DMD: variants seen among roughly 807,000 people sequenced by gnomAD.
The protein encoded by DMD is dystrophin.
A neutral mutation model predicts 330.1 loss-of-function variants in DMD; 63 were observed. The observed-to-expected ratio is 0.19, with a 90% confidence interval of 0.16 to 0.24. The LOEUF (loss-of-function observed/expected upper bound fraction) is 0.24. Among genes scored for constraint, DMD ranks in the 10% least tolerant of loss-of-function variants. DMD has a pLI of 1.00. For synonymous variants in DMD, 1,223 were observed against 959.8 expected, an observed-to-expected ratio of 1.27 and a Z score of -5.07; for missense variants, 3,344 against 2,684.1, an observed-to-expected ratio of 1.25 and a Z score of -5.43.
chrX:33,025,403 A>T (rs1435631560), intron 1 of DMD, among the ~76,000 whole-genome samples: 1 of 111,397 alleles, frequency 9.0e-6, no homozygotes, highest in African/African-American at 3.3e-5. Flanking sequence ...GAGATGCTGG[A>T]GAGCCTCCTT....
At chrX:31,785,323 T>C (rs1215639878) in intron 50 of DMD, among the ~76,000 whole-genome samples, 1 of 111,334 alleles carries the variant, frequency 9.0e-6, no homozygotes, top group Non-Finnish European at 1.9e-5. Flanking sequence ...GGGTTTGGAG[T>C]TTCGGATTTG....
intron 50 of DMD, among the ~76,000 whole-genome samples, chrX:31,789,788 A>G (rs1404999579): frequency 9.0e-6 from 1 of 111,607 alleles, no homozygotes; most frequent in Non-Finnish European, 1.9e-5. Context: ...ATGTTACAAA[A>G]TCTCTAGCTT....
chrX:32,426,485 G>A, intron 29 of DMD, among the ~76,000 whole-genome samples: 1 of 111,290 alleles, frequency 9.0e-6, no homozygotes, highest in East Asian at 2.8e-4. Context: ...AATAACAGAT[G>A]CTGTTGGGAT....
intron 2 of DMD, among the ~76,000 whole-genome samples, chrX:32,937,377 A>ACTCTGAT (rs2090093017): frequency 9.1e-6 from 1 of 109,339 alleles, no homozygotes; most frequent in African/African-American, 3.3e-5. Flanking sequence ...GGGCAAAGGA[A>ACTCTGAT]CTCTGATGCC....
chrX:32,214,555 G>A (rs180836441), intron 44 of DMD, among the ~76,000 whole-genome samples: 187 of 111,777 alleles, frequency 1.7e-3, no homozygotes, highest in African/African-American at 3.7e-3. Context: ...GAGCTCACAC[G>A]TGGCTAGTAA....
At chrX:31,395,423 G>C (rs985001332) in intron 60 of DMD, among the ~76,000 whole-genome samples, 1 of 112,100 alleles carries the variant, frequency 8.9e-6, no homozygotes, top group African/African-American at 3.2e-5. Flanking sequence ...GAATTAGCCA[G>C]AGTTAGCTGC....
intron 2 of DMD, among the ~76,000 whole-genome samples, chrX:32,900,504 C>A (rs2086141268): frequency 9.0e-6 from 1 of 111,110 alleles, no homozygotes; most frequent in Admixed American, 9.6e-5. Context: ...CCACTATGCC[C>A]AGATAATTTT....
intron 41 of DMD, among the ~76,000 whole-genome samples, chrX:32,337,236 CT>C (rs2097720019): frequency 9.0e-6 from 1 of 110,568 alleles, no homozygotes; most frequent in African/African-American, 3.3e-5. Flanking sequence ...TGAAGGATGT[CT>C]AGGTTTCTGA....
chrX:31,614,908 T>A (rs1324075767), intron 55 of DMD, among the ~76,000 whole-genome samples: 1 of 112,064 alleles, frequency 8.9e-6, no homozygotes, highest in East Asian at 2.8e-4. Context: ...CCTGGAATGT[T>A]TTATTATCAG....
At chrX:32,615,105 G>T (rs2057462269) in intron 11 of DMD, among the ~76,000 whole-genome samples, 1 of 111,078 alleles carries the variant, frequency 9.0e-6, no homozygotes, top group African/African-American at 3.3e-5. Context: ...AGCCCAAGGG[G>T]TGACCCCCAG....
chrX:32,987,338 G>C (rs1276570684), intron 2 of DMD, among the ~76,000 whole-genome samples: 1 of 111,146 alleles, frequency 9.0e-6, no homozygotes, highest in African/African-American at 3.3e-5. Flanking sequence ...TGCAGTCCTG[G>C]CATGTCACCT....
At chrX:32,995,690 T>C (rs1186007050) in intron 2 of DMD, among the ~76,000 whole-genome samples, 1 of 112,189 alleles carries the variant, frequency 8.9e-6, no homozygotes, top group African/African-American at 3.2e-5. Context: ...AGTTACAACA[T>C]TGGTTGTTTT....
chrX:32,767,532 T>G (rs7063050), intron 7 of DMD, among the ~76,000 whole-genome samples: 6,580 of 111,349 alleles, frequency 0.059, 483 homozygotes, highest in African/African-American at 0.2. Flanking sequence ...AGTGTCAGAC[T>G]ATTTCTTCTC....
At chrX:32,448,923 T>A (rs1313781666) in intron 26 of DMD, among the ~76,000 whole-genome samples, 3 of 111,032 alleles carry the variant, frequency 2.7e-5, no homozygotes, top group African/African-American at 9.8e-5. Flanking sequence ...TACACATTGA[T>A]ATAAATACAA....
intron 54 of DMD, among the ~76,000 whole-genome samples, chrX:31,643,152 C>G (rs897190761): frequency 2.4e-4 from 27 of 111,266 alleles, no homozygotes; most frequent in African/African-American, 8.8e-4. Flanking sequence ...GAATAAATGT[C>G]AATAGGAAAA....
intron 13 of DMD, among the ~76,000 whole-genome samples, chrX:32,593,202 G>A (rs2055132279): frequency 8.9e-6 from 1 of 112,287 alleles, no homozygotes; most frequent in African/African-American, 3.2e-5. Context: ...TGACACCCAA[G>A]GATCCCATGA....
chrX:31,749,000 T>C (rs1383599432), intron 51 of DMD, among the ~76,000 whole-genome samples: 2 of 111,133 alleles, frequency 1.8e-5, no homozygotes, highest in Non-Finnish European at 3.8e-5. Flanking sequence ...ACAACAACTC[T>C]ACCTAGCTGG....
rs146424031 is a variant in DMD at position 31,883,677 on chromosome X, A to G, written c.6913-8304T>C. ...CCCAAATAGAATAAACTGCTTTTAC[A>G]TAATGAAATATGTTGCGTCCATTAA... On this transcript the variant is annotated intron_variant, in intron 47 of 78. Coordinates refer to ENST00000357033, the MANE Select transcript of DMD (RefSeq NM_004006.3). Among the ~76,000 whole-genome samples, 933 of 111,793 alleles carry G rather than the reference A, an allele frequency of 8.3e-3. 9 individuals carry two copies. Among genetic ancestry groups the G allele is most frequent in the African/African-American group, 0.029 (887 of 30,787 alleles).
chrX:32,123,558 C>T (rs1207488133), intron 44 of DMD, among the ~76,000 whole-genome samples: 1 of 110,733 alleles, frequency 9.0e-6, no homozygotes, highest in African/African-American at 3.3e-5. Flanking sequence ...AAAGGTTAGA[C>T]AAAGAATATA....
Sources: gnomAD v4.1 joint callset for allele counts (sites outside exome capture counted in the v4.1 genomes callset) on GRCh38, gnomAD v4.1.1 for gene constraint, MANE v1.5 for transcripts, NCBI Gene and HGNC (gene_info 2026-07-23, HGNC 2026-07-21) for gene names.